PRSS38: variants seen among roughly 807,000 people sequenced by gnomAD.
PRSS38 encodes serine protease 38.
PRSS38 carries 22 observed loss-of-function variants against 26.8 expected under a neutral mutation model. The observed-to-expected ratio is 0.82, with a 90% confidence interval of 0.59 to 1.17. PRSS38 has a LOEUF of 1.17. Among genes scored for constraint, PRSS38 ranks in the 50% most tolerant of loss-of-function variants. PRSS38 has a pLI of 0.00. For missense variants in PRSS38, 427 were observed against 422.7 expected, an observed-to-expected ratio of 1.01 and a Z score of -0.09; for synonymous variants, 175 against 172.1, an observed-to-expected ratio of 1.02 and a Z score of -0.13.
In PRSS38 at chr1:227,845,990, C is replaced by T. The variant is rs773602792; in HGVS notation, c.763C>T (p.Arg255Cys). 2.8e-5 allele frequency: 46 copies of T among 1,614,038 alleles called. No homozygotes were observed. The highest frequency in any genetic ancestry group is 3.8e-5 in the Non-Finnish European group (45 of 1,180,030). The change falls in exon 5 of 5, where the codon CGC (arginine) becomes TGC (cysteine). Residue 255 changes from arginine to cysteine, a missense_variant. Physicochemically the swap from Arg to Cys is radical, Grantham distance 180. Transcript: ENST00000366757. The stretch of plus-strand genomic sequence containing the variant: ...GGGCCCACTTGTCTGTGAATTCAAC[C>T]GCAGCTGGTTGCAGATTGGAATTGT...
rs942379733 is a variant in PRSS38 at position 227,817,134 on chromosome 1, G to A, written c.312-75G>A. The A allele has an allele frequency of 2.7e-5, 40 of 1,494,920 alleles. No individual in the cohort carries two copies. In the South Asian group the frequency reaches 3.1e-4, roughly 12 times the overall value. The allele number at this position is 1,494,920 out of a possible 1,614,324, so 92.6% of individuals were successfully genotyped here. A position where few individuals can be genotyped will look rare whatever the true frequency, so the allele number is the denominator to read the frequency against. ...CACCGAGTGAGTGCCAGCCCCTTGC[G>A]CTTGGCCTCCCCAGGCCTGTGGGCT... On this transcript the variant is annotated intron_variant, in intron 2 of 4. Coordinates refer to ENST00000366757, the Ensembl canonical transcript of PRSS38.
chr1:227,830,501 C>CT (rs1243159470), intron 3 of PRSS38, among the ~76,000 whole-genome samples: 2,556 of 125,120 alleles, frequency 0.02, 85 homozygotes, highest in African/African-American at 0.054. Flanking sequence ...AAGGTGTCTA[C>CT]TTTTTTTTTT....
intron 3 of PRSS38, among the ~76,000 whole-genome samples, chr1:227,824,064 T>A (rs1301182072): frequency 2.6e-5 from 4 of 152,230 alleles, no homozygotes; most frequent in Non-Finnish European, 5.9e-5. Flanking sequence ...AATTTTCTTT[T>A]TTTTCTTCAA....
intron 3 of PRSS38, among the ~76,000 whole-genome samples, chr1:227,817,765 T>C (rs1664945129): frequency 6.6e-6 from 1 of 152,248 alleles, no homozygotes; most frequent in Non-Finnish European, 1.5e-5. Context: ...GTAAACGGAA[T>C]TTAGAAATCT....
At chr1:227,838,364 C>G (rs1044416286) in intron 3 of PRSS38, among the ~76,000 whole-genome samples, 1 of 152,200 alleles carries the variant, frequency 6.6e-6, no homozygotes, top group Non-Finnish European at 1.5e-5. Context: ...ATGTGTGGCC[C>G]CCGCTGGGCC....
intron 3 of PRSS38, among the ~76,000 whole-genome samples, chr1:227,831,953 G>T (rs1252540869): frequency 6.6e-6 from 1 of 152,194 alleles, no homozygotes; most frequent in Non-Finnish European, 1.5e-5. Context: ...AATTATGCCA[G>T]GTTTTGCTTC....
intron 3 of PRSS38, among the ~76,000 whole-genome samples, chr1:227,830,501 CTTTTT>C (rs1243159470): frequency 1.6e-5 from 2 of 125,156 alleles, no homozygotes; most frequent in African/African-American, 5.9e-5. Flanking sequence ...AAGGTGTCTA[CTTTTT>C]TTTTTTTTTT....
intron 3 of PRSS38, among the ~76,000 whole-genome samples, chr1:227,842,778 T>A (rs1665358041): frequency 6.6e-6 from 1 of 152,106 alleles, no homozygotes; most frequent in Admixed American, 6.5e-5. Flanking sequence ...GGTTTCTCCA[T>A]GTTGGTCAGG....
At position 227,816,556 on chromosome 1, in the gene PRSS38, A is replaced by G. The variant is rs1664921135; in HGVS notation, c.311+304A>G. ...CCCCTAAGTGTACAGTTAGGTTCCC[A>G]TGAGCTAGGTTGGTCCTCAAATGCA... On this transcript the variant is annotated intron_variant, in intron 2 of 4. Transcript: ENST00000366757. This position sits in a 1 kb window ranked among gnomAD's most constrained non-coding sequence, Gnocchi z 5.1. 6.6e-6 allele frequency among the ~76,000 whole-genome samples: 1 copy of G among 151,496 alleles called. No homozygotes were observed. The highest frequency in any genetic ancestry group is 1.5e-5 in the Non-Finnish European group (1 of 67,896).
chr1:227,840,824 A>T (rs1156451671), intron 3 of PRSS38, among the ~76,000 whole-genome samples: 1 of 152,156 alleles, frequency 6.6e-6, no homozygotes, highest in South Asian at 2.1e-4. Flanking sequence ...TCTCAAGTTC[A>T]TTAAACATAT....
chr1:227,824,685 A>C (rs1177371539), intron 3 of PRSS38, among the ~76,000 whole-genome samples: 2 of 152,154 alleles, frequency 1.3e-5, no homozygotes, highest in Non-Finnish European at 2.9e-5. Flanking sequence ...CACTCCCACC[A>C]ACAATGTAAA....
chr1:227,816,137 G>A lies in PRSS38; in HGVS notation c.196G>A (p.Ala66Thr), dbSNP rs1407990099. 6 of 1,613,620 alleles carry A rather than the reference G, an allele frequency of 3.7e-6. No individual in the cohort carries two copies. In the African/African-American group the frequency reaches 6.7e-5, roughly 18 times the overall value. Residue 66 changes from alanine to threonine, a missense_variant, in exon 2 of 5, where the codon GCG (alanine) becomes ACG (threonine). Ala to Thr is a moderately conservative substitution (Grantham distance 58). Transcript: ENST00000366757. This position sits in a 1 kb window ranked among gnomAD's most constrained non-coding sequence, Gnocchi z 5.1. ...GGGGAAAATCCTGGGCGGCGTCCCT[G>A]CGCCCGAGAGGAAGTGGCCGTGGCA...
At chr1:227,831,736 C>T (rs1665156291) in intron 3 of PRSS38, among the ~76,000 whole-genome samples, 1 of 152,062 alleles carries the variant, frequency 6.6e-6, no homozygotes, top group Admixed American at 6.5e-5. Flanking sequence ...CCTGTAGTCC[C>T]AGCTACTTGG....
At chr1:227,830,372 A>G (rs1179187670) in intron 3 of PRSS38, among the ~76,000 whole-genome samples, 1 of 151,988 alleles carries the variant, frequency 6.6e-6, no homozygotes, top group African/African-American at 2.4e-5. Context: ...GCTTTTCTTT[A>G]TGGAAAGATA....
At chr1:227,817,149 G>T in intron 2 of PRSS38, 60 bp from the exon 3 acceptor site, 1 of 1,558,742 alleles carries the variant, frequency 6.4e-7, no homozygotes, top group Non-Finnish European at 8.7e-7. Flanking sequence ...GCCTCCCCAG[G>T]CCTGTGGGCT....
intron 3 of PRSS38, among the ~76,000 whole-genome samples, chr1:227,833,771 A>C (rs1465654413): frequency 6.6e-6 from 1 of 152,172 alleles, no homozygotes; most frequent in Non-Finnish European, 1.5e-5. Context: ...ATGAAGTTGG[A>C]CCCTTACTTC....
intron 3 of PRSS38, among the ~76,000 whole-genome samples, chr1:227,842,258 A>G (rs1665348860): frequency 6.6e-6 from 1 of 152,148 alleles, no homozygotes; most frequent in Non-Finnish European, 1.5e-5. Flanking sequence ...AGTCATATCC[A>G]TGCTTCAAGG....
chr1:227,825,721 C>T (rs1324948608), intron 3 of PRSS38, among the ~76,000 whole-genome samples: 2 of 152,090 alleles, frequency 1.3e-5, no homozygotes, highest in African/African-American at 2.4e-5. Context: ...GTTTTCTATC[C>T]TGTTCTATTG....
chr1:227,823,249 A>T (rs895497550), intron 3 of PRSS38, among the ~76,000 whole-genome samples: 9 of 152,188 alleles, frequency 5.9e-5, no homozygotes, highest in Non-Finnish European at 8.8e-5. Flanking sequence ...ACATTGCTGC[A>T]AAAGACATGA....
Sources: allele counts gnomAD v4.1 joint callset (sites outside exome capture counted in the v4.1 genomes callset), GRCh38; gene constraint gnomAD v4.1.1; non-coding constraint Gnocchi (gnomAD v3.1); transcripts MANE v1.5; gene names NCBI Gene and HGNC (gene_info 2026-07-23, HGNC 2026-07-21).